TMEM182: variants seen among roughly 807,000 people sequenced by gnomAD.
TMEM182 encodes transmembrane protein 182.
In TMEM182, 20 loss-of-function variants were observed where a neutral mutation model predicts 26.8. That is an observed-to-expected ratio of 0.75 (90% CI 0.53 to 1.09). The LOEUF (loss-of-function observed/expected upper bound fraction) is 1.09. TMEM182 is among the 50% of genes least tolerant of loss of function. TMEM182 has a pLI of 0.00. For synonymous variants in TMEM182, 109 were observed against 102.2 expected, an observed-to-expected ratio of 1.07 and a Z score of -0.40; for missense variants, 277 against 275.5, an observed-to-expected ratio of 1.01 and a Z score of -0.04.
chr2:102,778,268 G>A (rs757407497), intron 3 of TMEM182, among the ~76,000 whole-genome samples: 15 of 151,936 alleles, frequency 9.9e-5, no homozygotes, highest in Non-Finnish European at 1.9e-4. Context: ...GATGTTTTTA[G>A]TAGTTTTCTT....
At chr2:102,777,179 T>C (rs992746821) in intron 3 of TMEM182, among the ~76,000 whole-genome samples, 12 of 152,112 alleles carry the variant, frequency 7.9e-5, no homozygotes, top group African/African-American at 2.7e-4. Flanking sequence ...CTGTTTTTTT[T>C]CTTGGGTGAT....
downstream of TMEM182, among the ~76,000 whole-genome samples, chr2:102,822,404 G>C (rs534387691): frequency 1.5e-4 from 23 of 152,290 alleles, no homozygotes; most frequent in South Asian, 4.8e-3. Context: ...TTCGAGAAGC[G>C]ACTGAGTTTT....
At chr2:102,760,817 T>G (rs182600636), upstream of TMEM182, among the ~76,000 whole-genome samples, 4 of 152,058 alleles carry the variant, frequency 2.6e-5, no homozygotes, top group Non-Finnish European at 5.9e-5. Flanking sequence ...GGTTTCACCA[T>G]GTTGGCTAGG....
intron 1 of TMEM182, among the ~76,000 whole-genome samples, chr2:102,750,051 G>A (rs1210327995): frequency 6.6e-6 from 1 of 151,030 alleles, no homozygotes; most frequent in Non-Finnish European, 1.5e-5. Context: ...TTTTTTAAAT[G>A]AAGCAGGAAA....
At chr2:102,780,621 A>G (rs1359569481) in intron 3 of TMEM182, among the ~76,000 whole-genome samples, 2 of 152,156 alleles carry the variant, frequency 1.3e-5, no homozygotes, top group Non-Finnish European at 2.9e-5. Context: ...TATGGTCTCT[A>G]CTATCACTGT....
intron 4 of TMEM182, among the ~76,000 whole-genome samples, chr2:102,802,363 G>A (rs1682179165): frequency 6.6e-6 from 1 of 152,166 alleles, no homozygotes. Context: ...GGCTTGGAAG[G>A]TGGATATTGC....
At chr2:102,834,085 G>A (rs1179226234) in intron 3 of TMEM182, among the ~76,000 whole-genome samples, 3 of 152,250 alleles carry the variant, frequency 2.0e-5, no homozygotes, top group African/African-American at 7.2e-5. Context: ...TACATATCTT[G>A]AGCAAGGATT....
chr2:102,746,724 G>T (rs1402242583), intron 1 of TMEM182, among the ~76,000 whole-genome samples: 1 of 152,090 alleles, frequency 6.6e-6, no homozygotes, highest in East Asian at 1.9e-4. Flanking sequence ...GAGTAGCTGG[G>T]ATTACAGGCA....
At chr2:102,829,108 G>T (rs1683099850) in intron 3 of TMEM182, among the ~76,000 whole-genome samples, 1 of 152,208 alleles carries the variant, frequency 6.6e-6, no homozygotes, top group East Asian at 1.9e-4. Context: ...TATTTCTTCA[G>T]TTCTCCGCAT....
intron 3 of TMEM182, among the ~76,000 whole-genome samples, chr2:102,841,172 G>GTGTCCTC (rs2104783658): frequency 6.6e-6 from 1 of 152,288 alleles, no homozygotes; most frequent in Admixed American, 6.5e-5. Context: ...GGCGATGTCT[G>GTGTCCTC]TGTCCTCTGC....
chr2:102,752,599 A>C (rs1679906562), intron 1 of TMEM182, among the ~76,000 whole-genome samples: 2 of 152,048 alleles, frequency 1.3e-5, no homozygotes, highest in Admixed American at 6.6e-5. Flanking sequence ...ACATGGTGGC[A>C]CTCTGGTTAC....
At chr2:102,826,960 A>G (rs1350157574) in intron 3 of TMEM182, among the ~76,000 whole-genome samples, 1 of 152,234 alleles carries the variant, frequency 6.6e-6, no homozygotes, top group African/African-American at 2.4e-5. Context: ...ATACACTTTA[A>G]TACATTTAAA....
At chr2:102,820,730 GC>G (rs1682901072), downstream of TMEM182, among the ~76,000 whole-genome samples, 1 of 152,222 alleles carries the variant, frequency 6.6e-6, no homozygotes, top group Non-Finnish European at 1.5e-5. Flanking sequence ...GGCCATTGAA[GC>G]AGGGAGCTTT....
chr2:102,738,755 CG>C (rs1679455596), intron 1 of TMEM182, among the ~76,000 whole-genome samples: 1 of 151,956 alleles, frequency 6.6e-6, no homozygotes, highest in African/African-American at 2.4e-5. Context: ...CAACATATAC[CG>C]ATGTAATATG....
intron 3 of TMEM182, among the ~76,000 whole-genome samples, chr2:102,832,210 T>G (rs1683166714): frequency 6.6e-6 from 1 of 152,240 alleles, no homozygotes; most frequent in African/African-American, 2.4e-5. Context: ...ATTTCTGGAC[T>G]ATAAATTAAC....
chr2:102,842,602 C>T (rs1368756007), intron 3 of TMEM182, among the ~76,000 whole-genome samples: 1 of 152,230 alleles, frequency 6.6e-6, no homozygotes, highest in Non-Finnish European at 1.5e-5. Context: ...CTGTCACATA[C>T]ATCTCTGACC....
intron 3 of TMEM182, 197 bp from the exon 4 acceptor site, chr2:102,797,666 C>A (rs143684645): frequency 6.6e-5 from 37 of 560,290 alleles, no homozygotes; most frequent in Non-Finnish European, 9.9e-5. Context: ...TGAAGGTCAC[C>A]AGCTTGGACA....
At chr2:102,822,704 G>C (rs546765015) in intron 3 of TMEM182, among the ~76,000 whole-genome samples, 5 of 152,112 alleles carry the variant, frequency 3.3e-5, no homozygotes, top group Non-Finnish European at 1.5e-5. Flanking sequence ...GGGAAAACAA[G>C]GGCAAGTGTG....
chr2:102,805,428 A>G (rs1682309473), intron 4 of TMEM182, among the ~76,000 whole-genome samples: 1 of 152,114 alleles, frequency 6.6e-6, no homozygotes, highest in Non-Finnish European at 1.5e-5. Context: ...GTAAGTGTCC[A>G]CCCAACCTGA....
Sources: gnomAD v4.1 joint callset for allele counts (sites outside exome capture counted in the v4.1 genomes callset) on GRCh38, gnomAD v4.1.1 for gene constraint, MANE v1.5 for transcripts, NCBI Gene and HGNC (gene_info 2026-07-23, HGNC 2026-07-21) for gene names.